The following BRD10 variants were observed in gnomAD, a reference collection of about 807,000 sequenced individuals.
The protein encoded by BRD10 is bromodomain containing 10.
chr9:5,907,233 T>A, the BRD10 span: 2 of 280,906 alleles, frequency 7.1e-6, no homozygotes, highest in South Asian at 2.4e-4. Flanking sequence ...TGTTGTCACA[T>A]ACCCAGTGTT....
the BRD10 span, chr9:5,914,189 G>T: frequency 5.8e-6 from 2 of 344,548 alleles, no homozygotes; most frequent in Non-Finnish European, 1.1e-5. Flanking sequence ...TGTCTGCGAG[G>T]AAGGTTAAAA....
the BRD10 span, among the ~76,000 whole-genome samples, chr9:5,971,747 AG>A: frequency 6.6e-6 from 1 of 152,146 alleles, no homozygotes; most frequent in Non-Finnish European, 1.5e-5. Context: ...TTACTGAATG[AG>A]GATGGTAGTG....
At chr9:5,887,857 T>C in the BRD10 span, among the ~76,000 whole-genome samples, 1 of 152,244 alleles carries the variant, frequency 6.6e-6, no homozygotes, top group South Asian at 2.1e-4. Context: ...GACTGCTTCT[T>C]ACCATTTAGG....
chr9:5,941,961 C>T, the BRD10 span, among the ~76,000 whole-genome samples: 4 of 151,750 alleles, frequency 2.6e-5, no homozygotes, highest in African/African-American at 7.3e-5. Flanking sequence ...CTCTATCACA[C>T]GTGTAATTTC....
At chr9:5,887,400 G>T in the BRD10 span, among the ~76,000 whole-genome samples, 170 of 152,266 alleles carry the variant, frequency 1.1e-3, no homozygotes, top group African/African-American at 3.9e-3. Flanking sequence ...CTCCACCCTG[G>T]AAGAATGCCA....
chr9:5,920,758 A>G, the BRD10 span: 8 of 1,613,848 alleles, frequency 5.0e-6, no homozygotes, highest in Non-Finnish European at 6.8e-6. Context: ...TAGGTAAGGC[A>G]ACCGTAACAG....
chr9:5,921,854 TCAC>T, the BRD10 span: 1 of 1,613,842 alleles, frequency 6.2e-7, no homozygotes, highest in African/African-American at 1.3e-5. Context: ...GTGGCCCAAA[TCAC>T]CACTGCCAGT....
At chr9:5,975,877 T>A in the BRD10 span, among the ~76,000 whole-genome samples, 1 of 152,118 alleles carries the variant, frequency 6.6e-6, no homozygotes, top group Non-Finnish European at 1.5e-5. Context: ...GAGACAGAGC[T>A]AAATTATTAA....
the BRD10 span, among the ~76,000 whole-genome samples, chr9:5,907,625 G>A: frequency 1.3e-5 from 2 of 152,126 alleles, no homozygotes; most frequent in South Asian, 2.1e-4. Flanking sequence ...AATTTTACAT[G>A]TTTCTTCTTT....
the BRD10 span, among the ~76,000 whole-genome samples, chr9:5,950,778 T>C: frequency 6.6e-6 from 1 of 152,114 alleles, no homozygotes. Context: ...AATCCAAGGA[T>C]GCTTAAGACC....
At chr9:6,007,449 C>G in the BRD10 span, 5 of 1,607,824 alleles carry the variant, frequency 3.1e-6, no homozygotes, top group Non-Finnish European at 3.4e-6. Context: ...CCGCCACCTC[C>G]TCCTCCGCGG....
the BRD10 span, chr9:5,892,352 A>T: frequency 2.7e-6 from 2 of 728,352 alleles, no homozygotes; most frequent in Non-Finnish European, 2.1e-6. Context: ...GGCTATGGAT[A>T]TTGGTCACCT....
At chr9:5,940,628 T>C in the BRD10 span, among the ~76,000 whole-genome samples, 1 of 152,316 alleles carries the variant, frequency 6.6e-6, no homozygotes, top group African/African-American at 2.4e-5. Flanking sequence ...GACATATGGA[T>C]TTTTTCCAAA....
the BRD10 span, among the ~76,000 whole-genome samples, chr9:5,998,590 T>C: frequency 6.6e-6 from 1 of 152,112 alleles, no homozygotes; most frequent in Non-Finnish European, 1.5e-5. Flanking sequence ...GATTAAGTGC[T>C]ATATAGCAAA....
the BRD10 span, among the ~76,000 whole-genome samples, chr9:5,996,504 A>G: frequency 6.6e-6 from 1 of 152,058 alleles, no homozygotes; most frequent in Non-Finnish European, 1.5e-5. Flanking sequence ...TGTTTAGTAG[A>G]GTTGGGATTT....
the BRD10 span, chr9:5,921,668 T>C: frequency 6.2e-7 from 1 of 1,613,962 alleles, no homozygotes; most frequent in Non-Finnish European, 8.5e-7. Flanking sequence ...TGTGATATAA[T>C]CTACTTGTTG....
the BRD10 span, among the ~76,000 whole-genome samples, chr9:6,008,416 C>G: frequency 1.3e-5 from 2 of 151,978 alleles, no homozygotes; most frequent in Admixed American, 6.5e-5. Context: ...CTCAGCCCCC[C>G]GGCTGGGAAG....
At chr9:5,925,812 T>G in the BRD10 span, among the ~76,000 whole-genome samples, 2 of 152,152 alleles carry the variant, frequency 1.3e-5, no homozygotes, top group African/African-American at 2.4e-5. Flanking sequence ...ATTTTAGAGA[T>G]CCTTCATTAT....
the BRD10 span, among the ~76,000 whole-genome samples, chr9:5,935,976 T>C: frequency 6.6e-6 from 1 of 152,238 alleles, no homozygotes; most frequent in Non-Finnish European, 1.5e-5. Context: ...CTTGATGACT[T>C]GGGTCATCAT....
Sources: allele counts gnomAD v4.1 joint callset (sites outside exome capture counted in the v4.1 genomes callset), GRCh38; gene constraint gnomAD v4.1.1; transcripts MANE v1.5; gene names NCBI Gene and HGNC (gene_info 2026-07-23, HGNC 2026-07-21).